EYS: variants seen among roughly 807,000 people sequenced by gnomAD.
The protein encoded by EYS is protein eyes shut homolog.
A neutral mutation model predicts 282.1 loss-of-function variants in EYS; 250 were observed. The ratio of observed to expected loss-of-function variants is 0.89; its 90% CI spans 0.80 to 0.98. The LOEUF is 0.98. Ranked by LOEUF, EYS falls within the 50% of genes least tolerant of loss-of-function variation. The pLI is 0.00. For missense variants in EYS, 4,016 were observed against 3,709.0 expected, an observed-to-expected ratio of 1.08 and a Z score of -2.15; for synonymous variants, 1,355 against 1,282.9, an observed-to-expected ratio of 1.06 and a Z score of -1.20.
At position 64,294,779 on chromosome 6, in the gene EYS, C is replaced by A. The variant is rs1199296777; in HGVS notation, c.6191+12191G>T. ...CACCTGTACTAGATAAGAGTATTAT[C>A]ACTTTAATTTAAAAAATTAAGATTA... On this transcript the variant is annotated intron_variant, in intron 30 of 42. Coordinates refer to ENST00000503581, the MANE Select transcript of EYS (RefSeq NM_001142800.2). 2.0e-5 allele frequency among the ~76,000 whole-genome samples: 3 copies of A among 152,088 alleles called. No individual in the cohort carries two copies. The South Asian group carries it at 6.2e-4, about 32-fold the overall frequency.
intron 30 of EYS, among the ~76,000 whole-genome samples, chr6:64,272,892 C>T (rs956894945): frequency 6.6e-6 from 1 of 151,878 alleles, no homozygotes; most frequent in Non-Finnish European, 1.5e-5. Flanking sequence ...ATTATATTTT[C>T]TAAAACTTTG....
intron 12 of EYS, among the ~76,000 whole-genome samples, chr6:65,295,095 A>T (rs1768625419): frequency 6.6e-6 from 1 of 152,032 alleles, no homozygotes; most frequent in African/African-American, 2.4e-5. Context: ...AATCCAAATA[A>T]CTTTTCGAAT....
chr6:65,038,798 T>A (rs1265518837), intron 13 of EYS, among the ~76,000 whole-genome samples: 1 of 151,414 alleles, frequency 6.6e-6, no homozygotes, highest in African/African-American at 2.4e-5. Context: ...TGGTTAGTTT[T>A]ACATTTTTCT....
At chr6:65,656,334 T>C (rs9453358) in intron 1 of EYS, among the ~76,000 whole-genome samples, 34,855 of 151,816 alleles carry the variant, frequency 0.23, 4,955 homozygotes, top group African/African-American at 0.41. Flanking sequence ...GAAGGCAGGC[T>C]GAAAGCTGAG....
chr6:65,454,293 C>A (rs62407687), intron 5 of EYS, among the ~76,000 whole-genome samples: 74 of 151,766 alleles, frequency 4.9e-4, no homozygotes, highest in South Asian at 2.1e-3. Flanking sequence ...TTTTATATAC[C>A]TGTTGATCAC....
rs549871775 is a variant in EYS at position 65,038,194 on chromosome 6, A to C, written c.2137+19420T>G. Among the ~76,000 whole-genome samples, 205 of 151,748 alleles carry C rather than the reference A, an allele frequency of 1.4e-3. 2 individuals carry two copies. The highest frequency in any genetic ancestry group is 4.6e-3 in the African/African-American group (193 of 41,532). On this transcript the variant is annotated intron_variant, in intron 13 of 42. Coordinates refer to ENST00000503581, the MANE Select transcript of EYS (RefSeq NM_001142800.2). Reference sequence around the variant, plus strand: ...TATGTAGATTAGATGGGTTTTAAAAATGCATACAGTTTTAAAACTCACATT... The same window carrying C: ...TATGTAGATTAGATGGGTTTTAAAACTGCATACAGTTTTAAAACTCACATT...
chr6:65,254,469 T>C (rs1767408378), intron 12 of EYS, among the ~76,000 whole-genome samples: 1 of 151,846 alleles, frequency 6.6e-6, no homozygotes, highest in South Asian at 2.1e-4. Context: ...ATGTTAATTA[T>C]GAAAAGAAAA....
intron 31 of EYS, among the ~76,000 whole-genome samples, chr6:64,218,214 G>A (rs957781402): frequency 6.6e-6 from 1 of 152,152 alleles, no homozygotes; most frequent in African/African-American, 2.4e-5. Context: ...ACTGCCAGGT[G>A]AATTTATTTG....
chr6:64,567,960 A>T (rs963065498), intron 26 of EYS, among the ~76,000 whole-genome samples: 2 of 152,228 alleles, frequency 1.3e-5, no homozygotes, highest in African/African-American at 4.8e-5. Context: ...TGTCTGGAGA[A>T]AGTCTCTGGT....
At chr6:64,835,794 T>C (rs1413924982) in intron 19 of EYS, among the ~76,000 whole-genome samples, 1 of 151,602 alleles carries the variant, frequency 6.6e-6, no homozygotes, top group East Asian at 1.9e-4. Context: ...CTTTATTCTA[T>C]AAAAATAGAA....
At chr6:63,900,659 T>G (rs1275802871) in intron 35 of EYS, among the ~76,000 whole-genome samples, 1 of 152,136 alleles carries the variant, frequency 6.6e-6, no homozygotes, top group East Asian at 1.9e-4. Context: ...AAGTTTAATG[T>G]GCTTCACATT....
intron 7 of EYS, among the ~76,000 whole-genome samples, chr6:65,401,526 T>C (rs536917961): frequency 3.3e-5 from 5 of 151,900 alleles, no homozygotes; most frequent in Non-Finnish European, 7.4e-5. Flanking sequence ...TATTGATGAA[T>C]TAATATACAA....
At chr6:64,433,546 G>T (rs911697109) in intron 28 of EYS, among the ~76,000 whole-genome samples, 4 of 151,812 alleles carry the variant, frequency 2.6e-5, no homozygotes, top group East Asian at 3.9e-4. Context: ...AACCTGAGAA[G>T]AAATATTTCT....
At chr6:64,557,233 CA>C (rs1765262699) in intron 26 of EYS, among the ~76,000 whole-genome samples, 1 of 150,842 alleles carries the variant, frequency 6.6e-6, no homozygotes, top group Non-Finnish European at 1.5e-5. Flanking sequence ...CACACACACA[CA>C]CACACACACA....
chr6:65,178,306 T>C (rs1765279221), intron 12 of EYS, among the ~76,000 whole-genome samples: 1 of 151,980 alleles, frequency 6.6e-6, no homozygotes, highest in Admixed American at 6.6e-5. Context: ...CTAATAAATC[T>C]GTCTTTCTAA....
chr6:64,111,764 A>G (rs1236813515), intron 31 of EYS, among the ~76,000 whole-genome samples: 1 of 152,080 alleles, frequency 6.6e-6, no homozygotes, highest in Non-Finnish European at 1.5e-5. Context: ...TGGAGATGAC[A>G]GATACCCAGG....
chr6:65,442,780 TTA>T (rs1562184894), intron 5 of EYS, among the ~76,000 whole-genome samples: 105 of 101,318 alleles, frequency 1.0e-3, no homozygotes, highest in East Asian at 3.0e-3. Flanking sequence ...AAATAAAAAA[TTA>T]AAAAAAAATA....
intron 12 of EYS, among the ~76,000 whole-genome samples, chr6:65,269,316 C>T (rs1311020865): frequency 6.6e-6 from 1 of 152,112 alleles, no homozygotes; most frequent in Non-Finnish European, 1.5e-5. Context: ...ATGTGTGTGA[C>T]TCAGATTCTA....
chr6:63,845,255 T>C (rs1281662491), intron 36 of EYS, among the ~76,000 whole-genome samples: 1 of 152,140 alleles, frequency 6.6e-6, no homozygotes, highest in African/African-American at 2.4e-5. Context: ...ATGCAAGGAG[T>C]CAAAGTGACT....
Sources: gnomAD v4.1 joint callset for allele counts (sites outside exome capture counted in the v4.1 genomes callset) on GRCh38, gnomAD v4.1.1 for gene constraint, MANE v1.5 for transcripts, NCBI Gene and HGNC (gene_info 2026-07-23, HGNC 2026-07-21) for gene names.